Variants in CCDC187 observed in about 807,000 individuals in gnomAD.
CCDC187 encodes coiled-coil domain containing 187, also known as coiled-coil domain-containing protein 187.
CCDC187 carries 32 observed loss-of-function variants against 38.0 expected under a neutral mutation model. That is an observed-to-expected ratio of 0.84 (90% CI 0.64 to 1.13). The LOEUF (loss-of-function observed/expected upper bound fraction) is 1.13. Among genes scored for constraint, CCDC187 ranks in the 50% most tolerant of loss-of-function variants. CCDC187 has a pLI of 0.00. For missense variants in CCDC187, 707 were observed against 786.8 expected (o/e 0.90, Z 1.21); for synonymous variants, 333 against 347.9 (o/e 0.96, Z 0.48).
chr9:136,263,657 C>T lies in CCDC187; in HGVS notation c.3877G>A (p.Ala1293Thr), dbSNP rs1830706668. 1 of 985,376 alleles carries T rather than the reference C, an allele frequency of 1.0e-6. No individual in the cohort carries two copies. The highest frequency in any genetic ancestry group is 1.2e-6 in the Non-Finnish European group (1 of 829,970). 61.0% of individuals were successfully genotyped at this position (985,376 alleles called of 1,614,324 possible). Residue 1293 changes from alanine (A) to threonine (T), a missense_variant, in exon 18 of 26, where the codon GCG becomes ACG. Ala to Thr is a moderately conservative substitution (Grantham distance 58). Coordinates refer to ENST00000638797, the MANE Select transcript of CCDC187 (RefSeq NM_001378188.1). ...TTGGCCTGGGCCTGCAGCTCGTGCG[C>T]TGGGACGACGTCCGTGGGCCCCGGG... ...PIPGPTDVVP[A>T]HELQAQAKLQ...
Position 136,257,097 on chromosome 9 carries a change from G to A in CCDC187, c.4367-256C>T, listed in dbSNP as rs1830621865. ...TTCGTTTAGAATTCAGAGGCCGGCT[G>A]GGCGCAGTGGCTCACGCCTATAATC... On this transcript the variant is annotated intron_variant, in intron 22 of 25. Transcript: ENST00000638797. This position sits in a 1 kb window ranked among gnomAD's most constrained non-coding sequence, Gnocchi z 4.5. Among the ~76,000 whole-genome samples the A allele has an allele frequency of 1.3e-5, 2 of 152,224 alleles. No homozygotes were observed.
rs1412932736 is a variant in CCDC187 at position 136,303,101 on chromosome 9, C to G, written c.336G>C (p.Ser112=). 1 of 398,620 alleles carries G rather than the reference C, an allele frequency of 2.5e-6. No homozygotes were observed. The highest frequency in any genetic ancestry group is 4.4e-6 in the Non-Finnish European group (1 of 226,048). The allele number at this position is 398,620 out of a possible 1,614,324, so 24.7% of individuals were successfully genotyped here. A position where few individuals can be genotyped will look rare whatever the true frequency, so the allele number is the denominator to read the frequency against. ...TGPEARDGDS[S]VSSGRLSCSS... ...AGCACGAGAGGCGGCCCGATGACAC[C>G]GAGCTGTCCCCATCCCTAGCCTCCG... Residue 112 remains serine, a synonymous_variant, in exon 2 of 26, where the codon TCG becomes TCC. Coordinates refer to ENST00000638797, the MANE Select transcript of CCDC187 (RefSeq NM_001378188.1).
chr9:136,267,036 C>T (rs996466759), intron 16 of CCDC187: 3 of 152,690 alleles, frequency 2.0e-5, no homozygotes, highest in South Asian at 2.0e-4. Context: ...GAGCCTAGAT[C>T]GCGCCACGCG....
At chr9:136,282,023 A>G (rs1831057168) in intron 9 of CCDC187, among the ~76,000 whole-genome samples, 1 of 152,142 alleles carries the variant, frequency 6.6e-6, no homozygotes, top group African/African-American at 2.4e-5. Context: ...CCCAGGGGGA[A>G]CAGGGGTGTG....
chr9:136,262,575 G>A lies in CCDC187; in HGVS notation c.3913-113C>T, dbSNP rs1830692390. On this transcript the variant is annotated intron_variant, in intron 18 of 25. Coordinates refer to ENST00000638797, the MANE Select transcript of CCDC187 (RefSeq NM_001378188.1). ...TGTGGCAGGGCTAGGGCAGTGCCGG[G>A]GCTGCTTGCTCCCCACTGGGTGCCA... The A allele has an allele frequency of 3.4e-6, 3 of 878,542 alleles. No individual in the cohort carries two copies. In the South Asian group the frequency reaches 1.6e-4, roughly 46 times the overall value. 54.4% of individuals were successfully genotyped at this position (878,542 alleles called of 1,614,324 possible).
chr9:136,285,917 G>T (rs1182709546), intron 8 of CCDC187, among the ~76,000 whole-genome samples, 168 bp downstream of exon 8: 2 of 152,210 alleles, frequency 1.3e-5, no homozygotes, highest in Non-Finnish European at 2.9e-5. Flanking sequence ...ATGCCACGTG[G>T]GAAAGCCCAC....
chr9:136,251,813 G>C lies in CCDC187; in HGVS notation c.*1781C>G, dbSNP rs939183208. ...GCCTGGCTTCAGGTGACCGTCCCGC[G>C]GAGCCGGCGCCCACCCTGTCCACCG... On this transcript the variant is annotated 3_prime_UTR_variant, in exon 26 of 26. Transcript: ENST00000638797. The C allele has an allele frequency of 6.6e-6, 1 of 152,212 alleles. No individual in the cohort carries two copies. The highest frequency in any genetic ancestry group is 2.4e-5 in the African/African-American group (1 of 41,000). The allele number at this position is 152,212 out of a possible 1,614,324, so 9.4% of individuals were successfully genotyped here.
chr9:136,262,924 C>T (rs936793777), intron 18 of CCDC187, among the ~76,000 whole-genome samples: 4 of 152,062 alleles, frequency 2.6e-5, no homozygotes, highest in African/African-American at 7.2e-5. Flanking sequence ...GTCCTCACTC[C>T]GTCTGCCGGT....
At chr9:136,279,732 A>G (rs895223590) in intron 10 of CCDC187, among the ~76,000 whole-genome samples, 20,032 of 152,260 alleles carry the variant, frequency 0.13, 1,511 homozygotes, top group Admixed American at 0.2. Context: ...CTGGGAAGAG[A>G]AAAGGTGCTG....
chr9:136,293,041 C>T (rs1831374143), intron 4 of CCDC187, among the ~76,000 whole-genome samples: 2 of 152,364 alleles, frequency 1.3e-5, no homozygotes, highest in Non-Finnish European at 2.9e-5. Flanking sequence ...CTGCGAGGGC[C>T]CTGGCAAAGG....
At chr9:136,287,696 G>C (rs1831214371) in intron 7 of CCDC187, among the ~76,000 whole-genome samples, 4 of 152,168 alleles carry the variant, frequency 2.6e-5, no homozygotes, top group Admixed American at 2.6e-4. Context: ...CAAACCCCTG[G>C]TGTTTCAGTA....
intron 2 of CCDC187, 142 bp from the exon 3 acceptor site, chr9:136,300,460 C>G (rs946645896): frequency 7.8e-6 from 3 of 386,758 alleles, no homozygotes; most frequent in Non-Finnish European, 1.4e-5. Flanking sequence ...GTCACCCAAG[C>G]TGGAGTGCAA....
At position 136,302,899 on chromosome 9, in the gene CCDC187, C is replaced by T. The variant is rs955205722; in HGVS notation, c.538G>A (p.Ala180Thr). 7.8e-5 allele frequency: 31 copies of T among 398,704 alleles called. No individual in the cohort carries two copies. Among genetic ancestry groups the T allele is most frequent in the Admixed American group, 4.4e-4 (10 of 22,740 alleles). 24.7% of individuals were successfully genotyped at this position (398,704 alleles called of 1,614,324 possible). Reference protein sequence around the residue: ...ASLGTSAPSSASRLHKASTLM... With the variant: ...ASLGTSAPSSTSRLHKASTLM... ...GTGGAGGCTTTGTGGAGTCTGGAGG[C>T]GCTGGAGGGGGCTGAGGTGCCCAGG... Residue 180 changes from alanine (A) to threonine (T), a missense_variant, in exon 2 of 26, where the codon GCC becomes ACC. Transcript: ENST00000638797.
intron 10 of CCDC187, 155 bp downstream of exon 10, chr9:136,281,396 C>T (rs1018644105): frequency 2.5e-6 from 1 of 398,558 alleles, no homozygotes. Flanking sequence ...GCCTCTAAAA[C>T]CTTTAATAAC....
At chr9:136,268,340 A>G (rs1325956429) in intron 14 of CCDC187, among the ~76,000 whole-genome samples, 1 of 152,226 alleles carries the variant, frequency 6.6e-6, no homozygotes, top group Non-Finnish European at 1.5e-5. Flanking sequence ...TTGTGACCCT[A>G]CTGATCATGG....
chr9:136,264,786 C>T lies in CCDC187; in HGVS notation c.3736-988G>A, dbSNP rs184533915. ...CTTTTTTTTTTTTGAAACAAGGTCT[C>T]ACTCTGTTGCCCAGGCTGGAGTGCA... On this transcript the variant is annotated intron_variant, in intron 17 of 25. Transcript: ENST00000638797. This position sits in a 1 kb window ranked among gnomAD's most constrained non-coding sequence, Gnocchi z 4.3. Among the ~76,000 whole-genome samples the T allele has an allele frequency of 7.3e-4, 111 of 151,846 alleles. No individual in the cohort carries two copies. Among genetic ancestry groups the T allele is most frequent in the African/African-American group, 2.7e-3 (110 of 41,436 alleles).
chr9:136,269,113 G>A (rs1388669930), intron 14 of CCDC187, among the ~76,000 whole-genome samples: 6 of 152,204 alleles, frequency 3.9e-5, no homozygotes, highest in African/African-American at 7.2e-5. Context: ...CAGATGCTGG[G>A]ACAGAAGCGT....
chr9:136,253,813 G>A lies in CCDC187; in HGVS notation c.6015C>T (p.Ser2005=), dbSNP rs1222250570. The change falls in exon 26 of 26, where the codon TCC becomes TCT. Residue 2005 remains serine (S), a synonymous_variant. Transcript: ENST00000638797. ...LSYGSADLPS[S]IHREAPLPPP... is the part of the protein sequence containing the mutation. Reference sequence around the variant, plus strand: ...GGGGTAGGGGGGCCTCCCTGTGGATGGAGGACGGGAGGTCGGCACTGCCGT... The same window carrying A: ...GGGGTAGGGGGGCCTCCCTGTGGATAGAGGACGGGAGGTCGGCACTGCCGT... The A allele has an allele frequency of 8.1e-6, 8 of 985,388 alleles. No homozygotes were observed. The highest frequency in any genetic ancestry group is 9.6e-6 in the Non-Finnish European group (8 of 829,964). The allele number at this position is 985,388 out of a possible 1,614,324, so 61.0% of individuals were successfully genotyped here.
chr9:136,299,492 C>T (rs1228671250), intron 3 of CCDC187, among the ~76,000 whole-genome samples: 5 of 152,232 alleles, frequency 3.3e-5, no homozygotes, highest in Admixed American at 6.5e-5. Flanking sequence ...CCTCAGGAAT[C>T]TTGCCGGCGT....
Sources: allele counts gnomAD v4.1 joint callset (sites outside exome capture counted in the v4.1 genomes callset), GRCh38; gene constraint gnomAD v4.1.1; non-coding constraint Gnocchi (gnomAD v3.1); transcripts MANE v1.5; gene names NCBI Gene and HGNC (gene_info 2026-07-23, HGNC 2026-07-21).